The following MSRA variants were observed in gnomAD, a reference collection of about 807,000 sequenced individuals.
MSRA encodes the protein methionine sulfoxide reductase A, also known as mitochondrial peptide methionine sulfoxide reductase.
A neutral mutation model predicts 31.3 loss-of-function variants in MSRA; 54 were observed. The ratio of observed to expected loss-of-function variants is 1.73; its 90% CI spans 1.39 to 2.17. The LOEUF (loss-of-function observed/expected upper bound fraction) is 2.17. Among genes scored for constraint, MSRA ranks in the 30% most tolerant of loss-of-function variants. The pLI, the probability that MSRA is intolerant of heterozygous loss-of-function variation, is 0.00. For synonymous variants in MSRA, 169 were observed against 116.5 expected (o/e 1.45, Z -2.90); for missense variants, 507 against 300.9 (o/e 1.69, Z -5.07).
At chr8:10,195,277 G>A (rs1191450669) in intron 1 of MSRA, among the ~76,000 whole-genome samples, 1 of 152,184 alleles carries the variant, frequency 6.6e-6, no homozygotes, top group Non-Finnish European at 1.5e-5. Flanking sequence ...GTCTCACTCT[G>A]TCGCCCAGGC....
At chr8:10,209,928 C>T (rs754723438) in intron 2 of MSRA, among the ~76,000 whole-genome samples, 1 of 152,214 alleles carries the variant, frequency 6.6e-6, no homozygotes, top group Non-Finnish European at 1.5e-5. Context: ...AGAATTCTTA[C>T]TTTAGAAGTG....
intron 3 of MSRA, among the ~76,000 whole-genome samples, chr8:10,288,556 G>T (rs943975625): frequency 6.6e-6 from 1 of 152,288 alleles, no homozygotes; most frequent in African/African-American, 2.4e-5. Flanking sequence ...GGGGGCTGTG[G>T]TGTAAAATAA....
chr8:10,221,622 A>G (rs1465163633), intron 2 of MSRA, among the ~76,000 whole-genome samples: 2 of 152,148 alleles, frequency 1.3e-5, no homozygotes, highest in East Asian at 1.9e-4. Flanking sequence ...GAAACAAACA[A>G]AAATCTCTAG....
At chr8:10,291,292 C>T (rs959899512) in intron 3 of MSRA, among the ~76,000 whole-genome samples, 7 of 151,870 alleles carry the variant, frequency 4.6e-5, no homozygotes, top group South Asian at 2.1e-4. Context: ...CTCCCCATGG[C>T]GGGCCAACAA....
At chr8:10,164,113 C>G (rs1804912755) in intron 1 of MSRA, among the ~76,000 whole-genome samples, 1 of 152,206 alleles carries the variant, frequency 6.6e-6, no homozygotes. Context: ...AAACCGCATA[C>G]TTACACAGCT....
intron 1 of MSRA, among the ~76,000 whole-genome samples, chr8:10,185,193 T>C (rs776703924): frequency 5.3e-5 from 8 of 151,758 alleles, no homozygotes; most frequent in Non-Finnish European, 8.8e-5. Flanking sequence ...TGTGGACAAT[T>C]GGTGACTGAG....
intron 1 of MSRA, among the ~76,000 whole-genome samples, chr8:10,150,262 A>C (rs1389855376): frequency 6.6e-6 from 1 of 152,134 alleles, no homozygotes; most frequent in Admixed American, 6.5e-5. Context: ...TGCTAATTAC[A>C]TCTATGAATA....
chr8:10,171,687 A>C (rs1306542215), intron 1 of MSRA, among the ~76,000 whole-genome samples: 1 of 152,260 alleles, frequency 6.6e-6, no homozygotes, highest in African/African-American at 2.4e-5. Flanking sequence ...TACTGGAAAA[A>C]GCTAAATCAT....
At chr8:10,239,929 T>C (rs1223184216) in intron 2 of MSRA, among the ~76,000 whole-genome samples, 3 of 152,232 alleles carry the variant, frequency 2.0e-5, no homozygotes, top group African/African-American at 2.4e-5. Flanking sequence ...GAACTGGTGC[T>C]GTGGCTGTGC....
At chr8:10,348,781 G>C (rs1367014079) in intron 5 of MSRA, among the ~76,000 whole-genome samples, 1 of 152,158 alleles carries the variant, frequency 6.6e-6, no homozygotes, top group African/African-American at 2.4e-5. Context: ...GGGATAGGTT[G>C]GCAGAATTGG....
chr8:10,207,998 G>T (rs1809150367), intron 2 of MSRA, 97 bp downstream of exon 2: 12 of 882,066 alleles, frequency 1.4e-5, no homozygotes, highest in Non-Finnish European at 1.9e-5. Flanking sequence ...TCAAAATCTG[G>T]GCTCTTCTAG....
chr8:10,085,722 A>G (rs1469341204), intron 1 of MSRA, among the ~76,000 whole-genome samples: 1 of 152,092 alleles, frequency 6.6e-6, no homozygotes, highest in Non-Finnish European at 1.5e-5. Flanking sequence ...TCACCCCCAA[A>G]AGTTGTCTCC....
chr8:10,191,678 T>C (rs1807519204), intron 1 of MSRA, among the ~76,000 whole-genome samples: 1 of 151,864 alleles, frequency 6.6e-6, no homozygotes, highest in Admixed American at 6.6e-5. Context: ...TAGAAATGGG[T>C]CATGTTCTAG....
At chr8:10,202,846 A>C (rs895619063) in intron 1 of MSRA, among the ~76,000 whole-genome samples, 16 of 152,210 alleles carry the variant, frequency 1.1e-4, no homozygotes, top group Non-Finnish European at 2.2e-4. Context: ...TAAAATGAAG[A>C]AATTCTTACA....
At chr8:10,333,813 C>G (rs951251613) in intron 5 of MSRA, among the ~76,000 whole-genome samples, 30 of 152,054 alleles carry the variant, frequency 2.0e-4, no homozygotes, top group Admixed American at 1.4e-3. Flanking sequence ...CACCCCACCC[C>G]CCCCACGCTG....
At chr8:10,363,157 T>G (rs990343190) in intron 5 of MSRA, among the ~76,000 whole-genome samples, 5 of 152,220 alleles carry the variant, frequency 3.3e-5, no homozygotes, top group African/African-American at 1.2e-4. Context: ...TCCTTTGTCT[T>G]CAGGTCCTTG....
At chr8:10,225,362 G>C (rs577457913) in intron 2 of MSRA, among the ~76,000 whole-genome samples, 2 of 152,304 alleles carry the variant, frequency 1.3e-5, no homozygotes, top group African/African-American at 4.8e-5. Flanking sequence ...ATTAGAGATT[G>C]AATGGATTAC....
At chr8:10,218,620 G>A (rs1036603225) in intron 2 of MSRA, among the ~76,000 whole-genome samples, 1 of 152,320 alleles carries the variant, frequency 6.6e-6, no homozygotes, top group African/African-American at 2.4e-5. Flanking sequence ...GTGAGATCCA[G>A]TTTGCTGAAG....
chr8:10,230,065 A>T (rs1179346254), intron 2 of MSRA, among the ~76,000 whole-genome samples: 1 of 152,188 alleles, frequency 6.6e-6, no homozygotes, highest in African/African-American at 2.4e-5. Context: ...AATTCAGCAG[A>T]TTTTTTCCAC....
Sources: gnomAD v4.1 joint callset for allele counts (sites outside exome capture counted in the v4.1 genomes callset) on GRCh38, gnomAD v4.1.1 for gene constraint, MANE v1.5 for transcripts, NCBI Gene and HGNC (gene_info 2026-07-23, HGNC 2026-07-21) for gene names.